Variants in EXT2 observed in about 807,000 individuals in gnomAD.
The protein encoded by EXT2 is exostosin glycosyltransferase 2.
A neutral mutation model predicts 81.6 loss-of-function variants in EXT2; 53 were observed. The observed-to-expected ratio is 0.65, with a 90% confidence interval of 0.52 to 0.82. The LOEUF is 0.82. EXT2 is among the 40% of genes least tolerant of loss of function. The probability of loss-of-function intolerance (pLI) is 0.00; values close to 1 mark genes in which losing one functional copy is unlikely to be tolerated. For missense variants in EXT2, 774 were observed against 910.2 expected (o/e 0.85, Z 1.93); for synonymous variants, 320 against 340.0 (o/e 0.94, Z 0.65).
At chr11:44,099,025 CAG>C (rs1172362693) in intron 1 of EXT2, among the ~76,000 whole-genome samples, 1 of 152,142 alleles carries the variant, frequency 6.6e-6, no homozygotes, top group Non-Finnish European at 1.5e-5. Flanking sequence ...TCCTTGGAGA[CAG>C]GGTCTCCATT....
intron 10 of EXT2, among the ~76,000 whole-genome samples, chr11:44,218,078 G>A (rs1490127277): frequency 1.3e-5 from 2 of 152,184 alleles, no homozygotes; most frequent in African/African-American, 4.8e-5. Flanking sequence ...TGGGCATCTT[G>A]TAGGTGGTAG....
At chr11:44,230,261 C>T (rs1955883548) in intron 10 of EXT2, among the ~76,000 whole-genome samples, 1 of 152,100 alleles carries the variant, frequency 6.6e-6, no homozygotes, top group Non-Finnish European at 1.5e-5. Context: ...ACAGAAGGGC[C>T]ACTGGAGAGT....
chr11:44,114,325 G>C (rs772226730), intron 4 of EXT2, 24 bp downstream of exon 4: 1 of 1,595,908 alleles, frequency 6.3e-7, no homozygotes, highest in Non-Finnish European at 8.6e-7. Context: ...ATCCCAGCCA[G>C]GTGTGCCTTT....
intron 2 of EXT2, among the ~76,000 whole-genome samples, chr11:44,108,568 T>A (rs2134969761): frequency 6.6e-6 from 1 of 152,340 alleles, no homozygotes; most frequent in Non-Finnish European, 1.5e-5. Context: ...CACCTCCTCG[T>A]AGCACTTACA....
At position 44,107,894 on chromosome 11, in the gene EXT2, G is replaced by T. The variant is rs151228794; in HGVS notation, c.182G>T (p.Arg61Leu). Residue 61 changes from arginine (R) to leucine (L), a missense_variant, in exon 2 of 14, where the codon CGC becomes CTC. Around this residue, in one of 2 missense-constraint regions of EXT2, gnomAD observed 626 missense variants for 670.5 expected, o/e 0.93. Coordinates refer to ENST00000533608, the MANE Select transcript of EXT2 (RefSeq NM_207122.2). ...TCAAATGACTGGAATGTAGAGAAGC[G>T]CAGCATCCGTGATGTGCCGGTTGTT... is the stretch of plus-strand genomic sequence containing the variant. Reference protein sequence around the residue: ...ESSNDWNVEKRSIRDVPVVRL... With the variant: ...ESSNDWNVEKLSIRDVPVVRL... 1 of 1,614,194 alleles carries T rather than the reference G, an allele frequency of 6.2e-7. No individual in the cohort carries two copies. Among genetic ancestry groups the T allele is most frequent in the East Asian group, 2.2e-5 (1 of 44,876 alleles).
intron 9 of EXT2, among the ~76,000 whole-genome samples, chr11:44,203,277 G>A (rs1409994201): frequency 6.6e-6 from 1 of 152,142 alleles, no homozygotes; most frequent in African/African-American, 2.4e-5. Flanking sequence ...CTAGTAACAG[G>A]ATTTGCCTAC....
intron 5 of EXT2, among the ~76,000 whole-genome samples, chr11:44,125,292 G>C (rs1392767999): frequency 1.3e-5 from 2 of 152,154 alleles, no homozygotes; most frequent in Non-Finnish European, 2.9e-5. Flanking sequence ...AATGTATCTT[G>C]CTTTTACCCC....
In EXT2 at chr11:44,161,151, T is replaced by C. The variant is rs76784724; in HGVS notation, c.1174-10460T>C. Among the ~76,000 whole-genome samples, 567 of 152,330 alleles carry C rather than the reference T, an allele frequency of 3.7e-3. 4 individuals carry two copies. Among genetic ancestry groups the C allele is most frequent in the African/African-American group, 0.013 (546 of 41,580 alleles). On this transcript the variant is annotated intron_variant, in intron 7 of 13. Transcript: ENST00000533608. ...TCTCTAAGATTTTAAATATAAAAAG[T>C]GGCTATATACTTTTAAATAGGTGAG...
chr11:44,199,681 ACTT>A (rs1955499466), intron 9 of EXT2, among the ~76,000 whole-genome samples: 1 of 152,186 alleles, frequency 6.6e-6, no homozygotes, highest in African/African-American at 2.4e-5. Context: ...AATTTGTGTC[ACTT>A]CTTTGGGGAA....
chr11:44,214,407 C>T (rs1226759667), intron 10 of EXT2, among the ~76,000 whole-genome samples: 3 of 152,206 alleles, frequency 2.0e-5, no homozygotes, highest in South Asian at 2.1e-4. Context: ...AGCCACCATG[C>T]CCGGCCGTAA....
Position 44,236,376 on chromosome 11 carries a change from G to A in EXT2, c.2018+1G>A. Reference sequence around the variant, plus strand: ...TAGACCAAACACACATGGTGGAGAGGTAAGTGAGCCTCCAACCAAAAGTGC... The same window carrying A: ...TAGACCAAACACACATGGTGGAGAGATAAGTGAGCCTCCAACCAAAAGTGC... On this transcript the variant is annotated splice_donor_variant, in intron 13 of 13. Transcript: ENST00000533608. LOFTEE classifies it high-confidence loss of function. The A allele has an allele frequency of 6.2e-7, 1 of 1,613,756 alleles. No individual in the cohort carries two copies. Among genetic ancestry groups the A allele is most frequent in the Non-Finnish European group, 8.5e-7 (1 of 1,179,922 alleles).
chr11:44,121,908 ACTCTT>A (rs1341299931), intron 4 of EXT2, among the ~76,000 whole-genome samples: 2 of 150,912 alleles, frequency 1.3e-5, no homozygotes, highest in African/African-American at 4.9e-5. Flanking sequence ...CTACCTTACT[ACTCTT>A]CTCTTAAGCA....
intron 4 of EXT2, among the ~76,000 whole-genome samples, chr11:44,121,045 G>C (rs78745347): frequency 0.022 from 3,300 of 152,304 alleles, 129 homozygotes; most frequent in African/African-American, 0.075. Context: ...GGGACAGCCA[G>C]CATGCAAGCA....
Position 44,194,757 on chromosome 11 carries a change from A to G in EXT2, c.1306-3072A>G, listed in dbSNP as rs189536135. Among the ~76,000 whole-genome samples, 26 of 152,324 alleles carry G rather than the reference A, an allele frequency of 1.7e-4. No individual in the cohort carries two copies. The Middle Eastern group carries it at 0.017, about 100-fold the overall frequency. On this transcript the variant is annotated intron_variant, in intron 8 of 13. Coordinates refer to ENST00000533608, the MANE Select transcript of EXT2 (RefSeq NM_207122.2). ...TACTCAGTAAATCTTGACTGTTTCA[A>G]TATCACACATTAAATCATTTTATAC...
chr11:44,144,612 T>C (rs1954691173), intron 7 of EXT2, among the ~76,000 whole-genome samples: 1 of 152,178 alleles, frequency 6.6e-6, no homozygotes, highest in Non-Finnish European at 1.5e-5. Context: ...CGATCCACCC[T>C]TAGAACATTG....
At chr11:44,177,728 T>C (rs1955178667) in intron 8 of EXT2, among the ~76,000 whole-genome samples, 1 of 151,986 alleles carries the variant, frequency 6.6e-6, no homozygotes, top group South Asian at 2.1e-4. Context: ...GATGGTTTTT[T>C]TTCCAAGTTT....
chr11:44,159,532 A>T (rs765735630), intron 7 of EXT2, among the ~76,000 whole-genome samples: 5 of 151,774 alleles, frequency 3.3e-5, no homozygotes, highest in Non-Finnish European at 7.4e-5. Context: ...TACATTATTC[A>T]TCTGTTCTTG....
chr11:44,130,922 G>A (rs1954484437), intron 7 of EXT2, among the ~76,000 whole-genome samples: 1 of 152,246 alleles, frequency 6.6e-6, no homozygotes. Flanking sequence ...GGCACCCTCA[G>A]CCTCAGGCAG....
rs572804723 is a variant in EXT2 at position 44,214,042 on chromosome 11, T to C, written c.1662+7083T>C. On this transcript the variant is annotated intron_variant, in intron 10 of 13. Coordinates refer to ENST00000533608, the MANE Select transcript of EXT2 (RefSeq NM_207122.2). ...ATATACATAAGGAAAGGAGAAAATA[T>C]GCATAGGTGCCACATTCTTTGCTTC... Among the ~76,000 whole-genome samples, 7 of 152,312 alleles carry C rather than the reference T, an allele frequency of 4.6e-5. No homozygotes were observed. The East Asian group carries it at 9.6e-4, about 21-fold the overall frequency.
Sources: gnomAD v4.1 joint callset for allele counts (sites outside exome capture counted in the v4.1 genomes callset) on GRCh38, gnomAD v4.1.1 for gene constraint, gnomAD v4.1.1 regional missense constraint, MANE v1.5 for transcripts, NCBI Gene and HGNC (gene_info 2026-07-23, HGNC 2026-07-21) for gene names.